Variants in RBFOX1 observed in about 807,000 individuals in gnomAD.
RBFOX1 encodes RNA binding fox-1 homolog 1.
Under a neutral mutation model 57.7 loss-of-function variants are expected in RBFOX1, and 8 were observed. That is an observed-to-expected ratio of 0.14 (90% CI 0.08 to 0.25). The LOEUF (loss-of-function observed/expected upper bound fraction) is 0.25, where lower values mean the gene tolerates loss of function less well. RBFOX1 is among the 10% of genes least tolerant of loss of function. The pLI is 1.00. For missense variants in RBFOX1, 611 were observed against 548.5 expected (o/e 1.11, Z -1.14); for synonymous variants, 326 against 222.4 (o/e 1.47, Z -4.15).
At chr16:5,456,914 A>T (rs1048599295) in intron 1 of RBFOX1, among the ~76,000 whole-genome samples, 30 of 152,156 alleles carry the variant, frequency 2.0e-4, no homozygotes, top group Non-Finnish European at 8.8e-5. Context: ...TCTCTAGCAC[A>T]TTCCACCTCT....
At chr16:6,102,241 A>G (rs1446450071) in intron 1 of RBFOX1, among the ~76,000 whole-genome samples, 1 of 151,264 alleles carries the variant, frequency 6.6e-6, no homozygotes, top group African/African-American at 2.4e-5. Flanking sequence ...GACAAGCAAT[A>G]TTCTTTCTTC....
intron 3 of RBFOX1, among the ~76,000 whole-genome samples, chr16:6,787,600 C>G (rs1389331196): frequency 6.6e-6 from 1 of 152,092 alleles, no homozygotes; most frequent in African/African-American, 2.4e-5. Flanking sequence ...TTCACAGTCT[C>G]TGTTCTCCAT....
At chr16:7,423,804 T>A (rs1321236250) in intron 4 of RBFOX1, among the ~76,000 whole-genome samples, 2 of 152,056 alleles carry the variant, frequency 1.3e-5, no homozygotes, top group Non-Finnish European at 2.9e-5. Context: ...TCTCTGCAAA[T>A]CTCTCCCCTC....
At chr16:7,195,283 A>T (rs1002779229) in intron 4 of RBFOX1, among the ~76,000 whole-genome samples, 3 of 152,158 alleles carry the variant, frequency 2.0e-5, no homozygotes, top group African/African-American at 7.2e-5. Flanking sequence ...TAATTTCATC[A>T]CACAGGCTTG....
At chr16:5,995,609 A>G (rs150809494) in intron 4 of RBFOX1, among the ~76,000 whole-genome samples, 10 of 152,356 alleles carry the variant, frequency 6.6e-5, no homozygotes, top group South Asian at 2.1e-4. Flanking sequence ...TCAATTTTCT[A>G]AAATAGAATG....
intron 3 of RBFOX1, among the ~76,000 whole-genome samples, chr16:6,695,704 A>C (rs1393917763): frequency 6.6e-6 from 1 of 152,198 alleles, no homozygotes; most frequent in East Asian, 1.9e-4. Context: ...AAGAAAGTGA[A>C]TGACTGTCAC....
At chr16:6,786,176 A>G (rs552956626) in intron 3 of RBFOX1, among the ~76,000 whole-genome samples, 1 of 152,246 alleles carries the variant, frequency 6.6e-6, no homozygotes, top group East Asian at 1.9e-4. Context: ...GAAGATTCCC[A>G]TGACCCTGTT....
chr16:5,707,018 C>G (rs1259337740), intron 3 of RBFOX1, among the ~76,000 whole-genome samples: 1 of 152,140 alleles, frequency 6.6e-6, no homozygotes, highest in East Asian at 1.9e-4. Flanking sequence ...TGCTTGAGGC[C>G]ATCTCTCTCT....
At chr16:6,374,935 G>A (rs924930849) in intron 2 of RBFOX1, among the ~76,000 whole-genome samples, 1 of 152,186 alleles carries the variant, frequency 6.6e-6, no homozygotes, top group Non-Finnish European at 1.5e-5. Flanking sequence ...TTAGCAACTG[G>A]CAGTTTTAAA....
At chr16:7,565,640 T>C (rs2091493286) in intron 5 of RBFOX1, among the ~76,000 whole-genome samples, 1 of 152,228 alleles carries the variant, frequency 6.6e-6, no homozygotes, top group South Asian at 2.1e-4. Flanking sequence ...TACTTCGCAG[T>C]GGGTACTCAA....
At chr16:6,188,627 G>A (rs1054804846) in intron 1 of RBFOX1, among the ~76,000 whole-genome samples, 1 of 152,096 alleles carries the variant, frequency 6.6e-6, no homozygotes. Flanking sequence ...AGCTACCAGA[G>A]AGCTGTCAAC....
At chr16:6,219,190 C>T (rs538579805) in intron 1 of RBFOX1, among the ~76,000 whole-genome samples, 4 of 152,228 alleles carry the variant, frequency 2.6e-5, no homozygotes, top group African/African-American at 9.6e-5. Flanking sequence ...AAATGAGGGC[C>T]GAGTGCAGTG....
At chr16:5,696,834 T>G (rs2050859789) in intron 3 of RBFOX1, among the ~76,000 whole-genome samples, 1 of 152,046 alleles carries the variant, frequency 6.6e-6, no homozygotes, top group African/African-American at 2.4e-5. Context: ...ATATTTAAAT[T>G]ATGTATAAAT....
intron 4 of RBFOX1, among the ~76,000 whole-genome samples, chr16:7,298,178 C>T (rs974842720): frequency 2.1e-4 from 32 of 152,124 alleles, no homozygotes; most frequent in African/African-American, 7.0e-4. Context: ...TTTTATTTAT[C>T]CCCTGTTTCC....
intron 1 of RBFOX1, among the ~76,000 whole-genome samples, chr16:5,284,681 G>A (rs562751181): frequency 3.2e-4 from 46 of 144,926 alleles, no homozygotes; most frequent in African/African-American, 1.1e-3. Context: ...CTCTGGAATT[G>A]TATATGTGAG....
At chr16:6,954,502 T>C (rs542577266) in intron 3 of RBFOX1, among the ~76,000 whole-genome samples, 34 of 152,288 alleles carry the variant, frequency 2.2e-4, no homozygotes, top group African/African-American at 8.2e-4. Flanking sequence ...AACATTTGTT[T>C]TAATAAAAAG....
At chr16:6,993,149 G>A (rs1195434124) in intron 3 of RBFOX1, among the ~76,000 whole-genome samples, 3 of 152,156 alleles carry the variant, frequency 2.0e-5, no homozygotes, top group African/African-American at 7.2e-5. Context: ...CTGTAACACT[G>A]ACTTTCTTTT....
rs116050498 is a variant in RBFOX1, at chr16:7,011,970, G to A, written c.-15-40087G>A. ...GCCCTTCATTAATCCTCTGACATTG[G>A]CTAAGTAGATCATGATGTGGTGTTC... On this transcript the variant is annotated intron_variant, in intron 3 of 15. Coordinates refer to ENST00000550418, the MANE Select transcript of RBFOX1 (RefSeq NM_018723.4). Among the ~76,000 whole-genome samples the A allele has an allele frequency of 6.8e-3, 1,033 of 152,260 alleles. 13 individuals are homozygous for A. Among genetic ancestry groups the A allele is most frequent in the African/African-American group, 0.023 (973 of 41,564 alleles).
chr16:5,722,854 G>A (rs906196863), intron 3 of RBFOX1, among the ~76,000 whole-genome samples: 4 of 152,118 alleles, frequency 2.6e-5, no homozygotes, highest in Admixed American at 6.5e-5. Context: ...CCTACCCTCT[G>A]CCACTTAACT....
Sources: gnomAD v4.1 joint callset for allele counts (sites outside exome capture counted in the v4.1 genomes callset) on GRCh38, gnomAD v4.1.1 for gene constraint, MANE v1.5 for transcripts, NCBI Gene and HGNC (gene_info 2026-07-23, HGNC 2026-07-21) for gene names.